DOK7: variants seen among roughly 807,000 people sequenced by gnomAD.
DOK7 encodes docking protein 7.
A neutral mutation model predicts 30.7 loss-of-function variants in DOK7; 32 were observed. That is an observed-to-expected ratio of 1.04 (90% CI 0.79 to 1.40). The LOEUF (loss-of-function observed/expected upper bound fraction) is 1.40, where lower values mean the gene tolerates loss of function less well. DOK7 is among the 40% of genes most tolerant of loss of function. DOK7 has a pLI of 0.00. For missense variants in DOK7, 1,007 were observed against 699.2 expected (o/e 1.44, Z -4.97); for synonymous variants, 447 against 324.1 (o/e 1.38, Z -4.07).
chr4:3,487,901 G>A (rs1470675651), intron 5 of DOK7, among the ~76,000 whole-genome samples: 1 of 152,220 alleles, frequency 6.6e-6, no homozygotes, highest in African/African-American at 2.4e-5. Context: ...TCTTCAGCCT[G>A]GACCCTCAGT....
chr4:3,492,580 GGGT>G (rs1728547734), intron 6 of DOK7, among the ~76,000 whole-genome samples, 176 bp from the exon 7 acceptor site: 2 of 152,132 alleles, frequency 1.3e-5, no homozygotes, highest in African/African-American at 4.8e-5. Flanking sequence ...AGTGGATGAG[GGGT>G]AGAGGGGTTG....
At chr4:3,482,635 T>A (rs1228134567) in intron 4 of DOK7, among the ~76,000 whole-genome samples, 3 of 152,216 alleles carry the variant, frequency 2.0e-5, no homozygotes, top group Non-Finnish European at 4.4e-5. Flanking sequence ...AGTGGCCGGC[T>A]TTGCTGCAGT....
chr4:3,496,468 T>C (rs779465193), downstream of DOK7, among the ~76,000 whole-genome samples: 6 of 152,216 alleles, frequency 3.9e-5, no homozygotes, highest in Non-Finnish European at 7.3e-5. Flanking sequence ...ATGGGCGTGG[T>C]ACTCCTCCGA....
At chr4:3,469,147 CTG>C (rs374729891) in intron 2 of DOK7, among the ~76,000 whole-genome samples, 115 of 142,752 alleles carry the variant, frequency 8.1e-4, no homozygotes, top group African/African-American at 2.3e-3. Flanking sequence ...GTGTATGTGT[CTG>C]TGTATGAGTG....
chr4:3,496,035 G>C (rs1026387415), downstream of DOK7, among the ~76,000 whole-genome samples: 2 of 152,344 alleles, frequency 1.3e-5, no homozygotes, highest in East Asian at 3.9e-4. Context: ...CAGAACAGGA[G>C]GGTGCTGCGC....
chr4:3,480,533 G>T (rs976715247), intron 4 of DOK7, among the ~76,000 whole-genome samples: 1 of 152,204 alleles, frequency 6.6e-6, no homozygotes, highest in African/African-American at 2.4e-5. Flanking sequence ...ACTTGAACCT[G>T]GGAGTTGGAG....
chr4:3,465,002 AGGTGATGTGGGG>A (rs2109315335), intron 2 of DOK7, among the ~76,000 whole-genome samples: 1 of 151,978 alleles, frequency 6.6e-6, no homozygotes, highest in Admixed American at 6.5e-5. Context: ...CTGGCGTGGG[AGGTGATGTGGGG>A]TAGTAGAAGG....
At chr4:3,468,467 T>C (rs551721382) in intron 2 of DOK7, among the ~76,000 whole-genome samples, 1 of 152,048 alleles carries the variant, frequency 6.6e-6, no homozygotes, top group African/African-American at 2.4e-5. Context: ...TGTGCATGTA[T>C]GTGTGCCTCT....
intron 6 of DOK7, among the ~76,000 whole-genome samples, chr4:3,492,120 A>G (rs1327212173): frequency 6.6e-6 from 1 of 152,184 alleles, no homozygotes; most frequent in African/African-American, 2.4e-5. Flanking sequence ...AGCAGAGATG[A>G]AAGTGGCTTT....
intron 6 of DOK7, among the ~76,000 whole-genome samples, chr4:3,492,427 C>T (rs188473164): frequency 5.9e-5 from 6 of 102,310 alleles, no homozygotes; most frequent in Admixed American, 3.6e-4. Context: ...GGGTATGGAG[C>T]GTGGGGTGTT....
chr4:3,490,299 T>TCCCCCCCCC (rs1728188643), intron 6 of DOK7, among the ~76,000 whole-genome samples: 1 of 78,452 alleles, frequency 1.3e-5, no homozygotes, highest in African/African-American at 4.7e-5. Context: ...CATTTCTTCC[T>TCCCCCCCCC]CCGCCCCCCC....
At position 3,493,081 on chromosome 4, in the gene DOK7, C is replaced by T. The variant is rs755846173; in HGVS notation, c.1095C>T (p.Ala365=). The T allele has an allele frequency of 6.3e-7, 1 of 1,577,036 alleles. No individual in the cohort carries two copies. The highest frequency in any genetic ancestry group is 1.1e-5 in the South Asian group (1 of 87,338). ...GCAGCAGCCTGGACGTGTGGCGGGC[C>T]ACAGATGAACTGGGCTCACTGCTCA... ...YAGSSLDVWR[A]TDELGSLLSL... is the part of the protein sequence containing the mutation. The change falls in exon 7 of 7, where the codon GCC becomes GCT. Residue 365 remains alanine, a synonymous_variant. Coordinates refer to ENST00000340083, the MANE Select transcript of DOK7 (RefSeq NM_173660.5).
At chr4:3,501,191 T>A in exon 8 of DOK7, 1 of 278,262 alleles carries the variant, frequency 3.6e-6, no homozygotes, top group Non-Finnish European at 6.8e-6. Flanking sequence ...CAAACCGCCC[T>A]CTCACCCTGG....
At chr4:3,474,821 C>CAA (rs112450151) in intron 3 of DOK7, among the ~76,000 whole-genome samples, 1 of 147,836 alleles carries the variant, frequency 6.8e-6, no homozygotes, top group African/African-American at 2.5e-5. Flanking sequence ...GACTCCATCT[C>CAA]AAAAAAAAAA....
At chr4:3,495,346 CCT>C (rs1384755296), downstream of DOK7, among the ~76,000 whole-genome samples, 12 of 152,208 alleles carry the variant, frequency 7.9e-5, no homozygotes, top group Non-Finnish European at 1.8e-4. Flanking sequence ...CACGCTCAGC[CCT>C]CTGTGTTCCC....
chr4:3,477,410 C>G (rs1727163843), intron 4 of DOK7, among the ~76,000 whole-genome samples: 1 of 152,232 alleles, frequency 6.6e-6, no homozygotes, highest in Non-Finnish European at 1.5e-5. Context: ...CTGGATGTGT[C>G]TGGGTGGAGG....
rs143033839 is a variant in DOK7 at position 3,492,232 on chromosome 4, G to T, written c.773-527G>T. Reference sequence around the variant, plus strand: ...CCGCAGGGAGGGAGACTGGGAGTGAGGCAAGGACGCCAGCATGGTGAGGGC... The same window carrying T: ...CCGCAGGGAGGGAGACTGGGAGTGATGCAAGGACGCCAGCATGGTGAGGGC... On this transcript the variant is annotated intron_variant, in intron 6 of 6. Transcript: ENST00000340083. Among the ~76,000 whole-genome samples, 645 of 152,078 alleles carry T rather than the reference G, an allele frequency of 4.2e-3. 3 individuals carry two copies. Among genetic ancestry groups the T allele is most frequent in the Middle Eastern group, 0.031 (9 of 294 alleles).
chr4:3,463,821 C>G (rs1004030887), intron 2 of DOK7, among the ~76,000 whole-genome samples: 3 of 152,158 alleles, frequency 2.0e-5, no homozygotes, highest in Non-Finnish European at 2.9e-5. Context: ...CCTGAGCCCC[C>G]CAGCAGAGCA....
chr4:3,490,604 C>T, intron 6 of DOK7, among the ~76,000 whole-genome samples: 1 of 129,072 alleles, frequency 7.7e-6, no homozygotes. Flanking sequence ...CATTTCTTCT[C>T]TCCCTGCTCG....
Sources: allele counts gnomAD v4.1 joint callset (sites outside exome capture counted in the v4.1 genomes callset), GRCh38; gene constraint gnomAD v4.1.1; transcripts MANE v1.5; gene names NCBI Gene and HGNC (gene_info 2026-07-23, HGNC 2026-07-21).